Variants in CD72 observed in about 807,000 individuals in gnomAD.
CD72 encodes CD72 molecule, also known as B-cell differentiation antigen CD72.
Under a neutral mutation model 50.7 loss-of-function variants are expected in CD72, and 28 were observed. The observed-to-expected ratio is 0.55, with a 90% CI of 0.41 to 0.76. CD72 has a LOEUF of 0.76. Among genes scored for constraint, CD72 ranks in the 30% least tolerant of loss-of-function variants. The pLI, the probability that CD72 is intolerant of heterozygous loss-of-function variation, is 0.00. For synonymous variants in CD72, 176 were observed against 171.2 expected (o/e 1.03, Z -0.22); for missense variants, 403 against 420.6 (o/e 0.96, Z 0.37).
intron 1 of CD72, among the ~76,000 whole-genome samples, chr9:35,631,914 A>AAAAT (rs1554649404): frequency 1.5e-4 from 23 of 152,212 alleles, no homozygotes; most frequent in South Asian, 8.3e-4. Context: ...TAAATAAATA[A>AAAAT]AAATAAATAA....
At position 35,615,633 on chromosome 9, in the gene CD72, G is replaced by C. The variant is rs892648673; in HGVS notation, c.688+310C>G. On this transcript the variant is annotated intron_variant, in intron 5 of 8. Transcript: ENST00000259633. ...ACCGCCAAGTTCACATCCAAATTTGGGGGCGTTCCCAGATCCTTGTCACTG... is the reference window on the plus strand; with the variant it reads ...ACCGCCAAGTTCACATCCAAATTTGCGGGCGTTCCCAGATCCTTGTCACTG... Among the ~76,000 whole-genome samples, 9 of 151,618 alleles carry C rather than the reference G, an allele frequency of 5.9e-5. No homozygotes were observed. In the South Asian group the frequency reaches 1.0e-3, roughly 18 times the overall value.
At chr9:35,639,087 A>G (rs1440191434) in intron 1 of CD72, among the ~76,000 whole-genome samples, 3 of 151,918 alleles carry the variant, frequency 2.0e-5, no homozygotes, top group South Asian at 2.1e-4. Flanking sequence ...CAAAGATTTG[A>G]CACATTATTT....
rs183953724 is a variant in CD72 at position 35,618,355 on chromosome 9, C to T, written c.-52G>A. Reference sequence around the variant, plus strand: ...GTCTTCCCTGTCATCCACTGTCCTCCCTTGCCCCTCTCGTCTCTGTCCGTT... The same window carrying T: ...GTCTTCCCTGTCATCCACTGTCCTCTCTTGCCCCTCTCGTCTCTGTCCGTT... On this transcript the variant is annotated 5_prime_UTR_variant, in exon 1 of 9. Coordinates refer to ENST00000259633, the MANE Select transcript of CD72 (RefSeq NM_001782.3). The T allele has an allele frequency of 5.1e-5, 82 of 1,611,754 alleles. No homozygotes were observed. In the African/African-American group the frequency reaches 1.0e-3, roughly 20 times the overall value.
At chr9:35,638,465 C>T (rs1477240073) in intron 1 of CD72, among the ~76,000 whole-genome samples, 1 of 152,102 alleles carries the variant, frequency 6.6e-6, no homozygotes, top group African/African-American at 2.4e-5. Context: ...CTAGCTCTCC[C>T]CCACCTGCCC....
upstream of CD72, among the ~76,000 whole-genome samples, chr9:35,620,786 C>T (rs1823140912): frequency 6.6e-6 from 1 of 152,048 alleles, no homozygotes; most frequent in Non-Finnish European, 1.5e-5. Context: ...TTGTGCCCAT[C>T]CTGGGCCACA....
At chr9:35,623,805 T>A (rs542815935), upstream of CD72, among the ~76,000 whole-genome samples, 1 of 152,196 alleles carries the variant, frequency 6.6e-6, no homozygotes, top group African/African-American at 2.4e-5. Context: ...TCCCAGCTAC[T>A]CAGGAGGCTG....
chr9:35,638,803 A>G (rs1823314041), intron 1 of CD72, among the ~76,000 whole-genome samples: 1 of 151,842 alleles, frequency 6.6e-6, no homozygotes, highest in South Asian at 2.1e-4. Flanking sequence ...CCCCAAAGGA[A>G]CTATCAGGCA....
chr9:35,615,865 TG>T, intron 5 of CD72, 77 bp downstream of exon 5: 1 of 1,178,652 alleles, frequency 8.5e-7, no homozygotes, highest in Non-Finnish European at 1.2e-6. Context: ...CACAGGCCCC[TG>T]GGTGATAGAC....
At chr9:35,645,795 C>G (rs1175672040) in intron 1 of CD72, among the ~76,000 whole-genome samples, 1 of 152,128 alleles carries the variant, frequency 6.6e-6, no homozygotes, top group Non-Finnish European at 1.5e-5. Context: ...TGAGAGACTA[C>G]AGAGCAGGGC....
intron 1 of CD72, among the ~76,000 whole-genome samples, chr9:35,633,386 T>C (rs559559711): frequency 7.9e-5 from 12 of 152,338 alleles, no homozygotes; most frequent in Non-Finnish European, 1.6e-4. Context: ...GTGCGTGTGT[T>C]GTTTAAAGCT....
intron 1 of CD72, among the ~76,000 whole-genome samples, chr9:35,640,618 C>T (rs1823330356): frequency 6.6e-6 from 1 of 152,228 alleles, no homozygotes; most frequent in African/African-American, 2.4e-5. Context: ...GCACAGCAGA[C>T]ACCCTGCCGG....
intron 3 of CD72, 151 bp from the exon 4 acceptor site, chr9:35,616,840 G>T: frequency 1.0e-6 from 1 of 989,526 alleles, no homozygotes; most frequent in Non-Finnish European, 1.5e-6. Context: ...GGTTTCTGTC[G>T]GGTAGCGGGG....
chr9:35,610,506 T>G, intron 8 of CD72, 96 bp downstream of exon 8: 6 of 735,642 alleles, frequency 8.2e-6, no homozygotes, highest in East Asian at 7.1e-5. Context: ...CAGGTACAAG[T>G]TTTCTCTCGG....
At chr9:35,628,277 T>C (rs1033634781) in intron 1 of CD72, among the ~76,000 whole-genome samples, 3 of 152,190 alleles carry the variant, frequency 2.0e-5, no homozygotes, top group Non-Finnish European at 4.4e-5. Flanking sequence ...TTATTCCTCT[T>C]CTTCCTCCTC....
chr9:35,618,506 C>A (rs1236300257), upstream of CD72: 1 of 1,335,410 alleles, frequency 7.5e-7, no homozygotes, highest in Non-Finnish European at 1.0e-6. Flanking sequence ...CAGAAGGCAT[C>A]CCTGGGCCAG....
intron 5 of CD72, among the ~76,000 whole-genome samples, chr9:35,615,298 TC>T (rs1435908901): frequency 6.6e-6 from 1 of 152,078 alleles, no homozygotes; most frequent in Non-Finnish European, 1.5e-5. Flanking sequence ...AACACCCCAG[TC>T]CCCTTAGGCG....
chr9:35,640,558 A>G (rs542895014), intron 1 of CD72, among the ~76,000 whole-genome samples: 53 of 152,364 alleles, frequency 3.5e-4, no homozygotes, highest in South Asian at 2.1e-3. Context: ...GAACAATGGG[A>G]AGCCTTTAGC....
chr9:35,644,927 C>T (rs1175456210), intron 1 of CD72, among the ~76,000 whole-genome samples: 1 of 119,022 alleles, frequency 8.4e-6, no homozygotes, highest in East Asian at 2.0e-4. Flanking sequence ...AAAGGCCGGG[C>T]GCGGTGGCTC....
chr9:35,611,640 C>T (rs1822986603), intron 7 of CD72, among the ~76,000 whole-genome samples, 164 bp downstream of exon 7: 1 of 152,100 alleles, frequency 6.6e-6, no homozygotes, highest in African/African-American at 2.4e-5. Context: ...ATAAGATTGC[C>T]CTAAGAAGTT....
Sources: gnomAD v4.1 joint callset for allele counts (sites outside exome capture counted in the v4.1 genomes callset) on GRCh38, gnomAD v4.1.1 for gene constraint, MANE v1.5 for transcripts, NCBI Gene and HGNC (gene_info 2026-07-23, HGNC 2026-07-21) for gene names.